Variants in UMODL1 observed in about 807,000 individuals in gnomAD.
The protein encoded by UMODL1 is uromodulin like 1.
UMODL1 carries 128 observed loss-of-function variants against 136.3 expected under a neutral mutation model. The observed-to-expected ratio is 0.94, with a 90% CI of 0.81 to 1.09. UMODL1 has a LOEUF of 1.09. Among genes scored for constraint, UMODL1 ranks in the 50% least tolerant of loss-of-function variants. UMODL1 has a pLI of 0.00. For missense variants in UMODL1, 1,766 were observed against 1,725.6 expected (o/e 1.02, Z -0.41); for synonymous variants, 721 against 720.0 (o/e 1.00, Z -0.02).
chr21:42,116,937 G>A (rs1475541168), intron 14 of UMODL1, among the ~76,000 whole-genome samples: 1 of 152,176 alleles, frequency 6.6e-6, no homozygotes, highest in African/African-American at 2.4e-5. Flanking sequence ...TTAGCCGGAT[G>A]TGGTGGCGGG....
chr21:42,107,037 C>T (rs937421691), intron 9 of UMODL1, among the ~76,000 whole-genome samples: 1 of 152,170 alleles, frequency 6.6e-6, no homozygotes, highest in South Asian at 2.1e-4. Context: ...AGGAAGGTCT[C>T]CTAGCAACCC....
rs532285559 is a variant in UMODL1, at chr21:42,109,840, T to C, written c.1657+141T>C. 2.1e-5 allele frequency: 20 copies of C among 939,994 alleles called. No individual in the cohort carries two copies. The East Asian group carries it at 5.3e-4, about 25-fold the overall frequency. 58.2% of individuals were successfully genotyped at this position (939,994 alleles called of 1,614,324 possible). A position where few individuals can be genotyped will look rare whatever the true frequency, so the allele number is the denominator to read the frequency against. Reference sequence around the variant, plus strand: ...GCCTACAGAAATGTTTTCATTTCAATTTATTTTAAAATCAGAAGAAAGAAA... The same window carrying C: ...GCCTACAGAAATGTTTTCATTTCAACTTATTTTAAAATCAGAAGAAAGAAA... On this transcript the variant is annotated intron_variant, in intron 10 of 22. Transcript: ENST00000408910.
Position 42,090,222 on chromosome 21 carries a change from CGT to C in UMODL1, c.791-68_791-67del, listed in dbSNP as rs1297943672. ...ATCCGTGGCACGAGTCCACAGAGGCCGTGTGTGTGCAGGTAGATGAAGATGAC... is the reference window on the plus strand; with the variant it reads ...ATCCGTGGCACGAGTCCACAGAGGCCGTGTGTGCAGGTAGATGAAGATGAC... On this transcript the variant is annotated intron_variant, in intron 5 of 22. Coordinates refer to ENST00000408910, the MANE Select transcript of UMODL1 (RefSeq NM_001004416.3). The C allele has an allele frequency of 2.5e-6, 4 of 1,589,536 alleles. No homozygotes were observed. In the African/African-American group the frequency reaches 4.0e-5, roughly 16 times the overall value.
At chr21:42,095,371 A>AG (rs1434200952) in intron 6 of UMODL1, among the ~76,000 whole-genome samples, 2 of 152,198 alleles carry the variant, frequency 1.3e-5, no homozygotes, top group Non-Finnish European at 2.9e-5. Flanking sequence ...CTGGGATTAC[A>AG]GATGTGAGCC....
chr21:42,093,989 C>G, intron 6 of UMODL1: 1 of 456,264 alleles, frequency 2.2e-6, no homozygotes, highest in South Asian at 1.6e-5. Flanking sequence ...GGTGAGAATC[C>G]TGTCCCTTTC....
chr21:42,066,351 C>T (rs1455234441), upstream of UMODL1, among the ~76,000 whole-genome samples: 4 of 152,178 alleles, frequency 2.6e-5, no homozygotes, highest in East Asian at 1.9e-4. Context: ...GGCGCAATCT[C>T]GGCTCACTGC....
chr21:42,101,559 C>T (rs1045657713), intron 7 of UMODL1: 20 of 369,614 alleles, frequency 5.4e-5, no homozygotes, highest in Non-Finnish European at 9.7e-5. Context: ...TGCCCGCCGA[C>T]GCTTGGGTTG....
intron 2 of UMODL1, among the ~76,000 whole-genome samples, chr21:42,078,906 G>C (rs993501425): frequency 1.3e-5 from 2 of 152,204 alleles, no homozygotes; most frequent in African/African-American, 4.8e-5. Context: ...CTTTCTTCGA[G>C]GGCCACACAC....
intron 14 of UMODL1, among the ~76,000 whole-genome samples, chr21:42,117,019 T>C (rs1158216386): frequency 6.6e-6 from 1 of 152,026 alleles, no homozygotes; most frequent in East Asian, 1.9e-4. Flanking sequence ...GAGGTTGCAG[T>C]GAGCTGAGAT....
rs776779498 is a variant in UMODL1 at position 42,130,809 on chromosome 21, CTTT to C, written c.3775+1028_3775+1030del. Among the ~76,000 whole-genome samples, 792 of 139,536 alleles carry C rather than the reference CTTT, an allele frequency of 5.7e-3. 7 individuals carry two copies. Among genetic ancestry groups the C allele is most frequent in the African/African-American group, 0.019 (729 of 38,114 alleles). The allele number at this position is 139,536 out of a possible 152,430, so 91.5% of individuals were successfully genotyped here. ...AGGCAGGCCTGGGTTCTGACCTCCA[CTTT>C]TTTTTTTTTTTTTTTGAGACGGAGT... On this transcript the variant is annotated intron_variant, in intron 21 of 22. Coordinates refer to ENST00000408910, the MANE Select transcript of UMODL1 (RefSeq NM_001004416.3).
At chr21:42,075,210 G>A (rs2066274945) in intron 1 of UMODL1, among the ~76,000 whole-genome samples, 1 of 149,324 alleles carries the variant, frequency 6.7e-6, no homozygotes, top group Non-Finnish European at 1.5e-5. Flanking sequence ...CCCACACCCG[G>A]CTAATTTTTA....
intron 20 of UMODL1, among the ~76,000 whole-genome samples, 186 bp from the exon 21 acceptor site, chr21:42,129,527 C>T (rs1420204195): frequency 6.6e-6 from 1 of 152,186 alleles, no homozygotes; most frequent in African/African-American, 2.4e-5. Flanking sequence ...CCTCTTGTTG[C>T]ACCAGGACCC....
intron 2 of UMODL1, among the ~76,000 whole-genome samples, chr21:42,079,348 C>T (rs1433911679): frequency 6.6e-6 from 1 of 152,248 alleles, no homozygotes; most frequent in African/African-American, 2.4e-5. Flanking sequence ...TTGTTGGAAT[C>T]AGCCCCACTT....
At chr21:42,109,499 T>A in intron 9 of UMODL1, 63 bp from the exon 10 acceptor site, 3 of 1,590,034 alleles carry the variant, frequency 1.9e-6, no homozygotes, top group Non-Finnish European at 1.7e-6. Flanking sequence ...CCAGCATGGG[T>A]CTGTCTTCTG....
Position 42,110,885 on chromosome 21 carries a change from C to T in UMODL1, c.1663C>T (p.Leu555=). The change falls in exon 11 of 23, where the codon CTG becomes TTG. Residue 555 remains leucine (L), a synonymous_variant. Transcript: ENST00000408910. ...CAGTGGATGTGTCTTGGCAGGTGAC[C>T]TGGTGAGCCCCATGGGCGGTGGACT... The part of the protein sequence containing the change: ...SRAGRACEGD[L]VSPMGGGLSA... The T allele has an allele frequency of 6.2e-7, 1 of 1,602,918 alleles. No homozygotes were observed. Among genetic ancestry groups the T allele is most frequent in the Non-Finnish European group, 8.5e-7 (1 of 1,175,536 alleles).
intron 17 of UMODL1, among the ~76,000 whole-genome samples, chr21:42,124,668 C>T (rs996507876): frequency 6.6e-6 from 1 of 152,026 alleles, no homozygotes; most frequent in Non-Finnish European, 1.5e-5. Flanking sequence ...GAAGGCTCTC[C>T]TAATGGGGAC....
intron 21 of UMODL1, among the ~76,000 whole-genome samples, chr21:42,137,175 C>T (rs565238055): frequency 6.6e-6 from 1 of 152,364 alleles, no homozygotes; most frequent in Non-Finnish European, 1.5e-5. Flanking sequence ...GGCTCTCCCC[C>T]TCCCACCAGG....
chr21:42,067,364 T>C (rs2066191513), upstream of UMODL1, among the ~76,000 whole-genome samples: 2 of 152,238 alleles, frequency 1.3e-5, no homozygotes, highest in African/African-American at 4.8e-5. Flanking sequence ...ACTCTAGTTC[T>C]AGAAGGCATT....
intron 13 of UMODL1, among the ~76,000 whole-genome samples, chr21:42,115,245 C>G (rs773931821): frequency 6.6e-6 from 1 of 152,138 alleles, no homozygotes; most frequent in Admixed American, 6.5e-5. Context: ...GATGGGATGG[C>G]GACATTCCTG....
Sources: allele counts gnomAD v4.1 joint callset (sites outside exome capture counted in the v4.1 genomes callset), GRCh38; gene constraint gnomAD v4.1.1; transcripts MANE v1.5; gene names NCBI Gene and HGNC (gene_info 2026-07-23, HGNC 2026-07-21).